The following LEMD1 variants were observed in gnomAD, a reference collection of about 807,000 sequenced individuals.
The protein encoded by LEMD1 is LEM domain-containing protein 1.
LEMD1 carries 18 observed loss-of-function variants against 17.4 expected under a neutral mutation model. The observed-to-expected ratio is 1.04, with a 90% CI of 0.72 to 1.54. The LOEUF (loss-of-function observed/expected upper bound fraction) is 1.54, where lower values mean the gene tolerates loss of function less well. Ranked by LOEUF, LEMD1 falls within the 40% of genes most tolerant of loss-of-function variation. The probability of loss-of-function intolerance (pLI) is 0.00; values close to 1 mark genes in which losing one functional copy is unlikely to be tolerated. For missense variants in LEMD1, 195 were observed against 210.4 expected (o/e 0.93, Z 0.45); for synonymous variants, 88 against 77.8 (o/e 1.13, Z -0.69).
chr1:205,431,438 T>C (rs542909213), intron 1 of LEMD1, among the ~76,000 whole-genome samples: 1 of 152,352 alleles, frequency 6.6e-6, no homozygotes, highest in East Asian at 1.9e-4. Flanking sequence ...ACTTGACCCC[T>C]GCAAAAACTT....
At chr1:205,406,365 C>G (rs980415016) in intron 4 of LEMD1, among the ~76,000 whole-genome samples, 11 of 152,246 alleles carry the variant, frequency 7.2e-5, no homozygotes, top group African/African-American at 2.7e-4. Flanking sequence ...CCACCCAGTT[C>G]GAGCTTCCTG....
chr1:205,420,404 T>C (rs575049644), intron 2 of LEMD1, 51 bp downstream of exon 2: 11 of 1,382,598 alleles, frequency 8.0e-6, no homozygotes, highest in Admixed American at 1.7e-5. Flanking sequence ...TGTAAGTTGT[T>C]TATAAACCAT....
intron 1 of LEMD1, among the ~76,000 whole-genome samples, chr1:205,440,336 TTCC>T (rs1666271678): frequency 6.6e-6 from 1 of 152,182 alleles, no homozygotes; most frequent in Admixed American, 6.5e-5. Flanking sequence ...CACCTCTGCC[TTCC>T]TCCTCACTGG....
At chr1:205,405,565 G>A (rs1665053539) in intron 4 of LEMD1, among the ~76,000 whole-genome samples, 2 of 145,910 alleles carry the variant, frequency 1.4e-5, no homozygotes, top group Non-Finnish European at 3.0e-5. Context: ...GCTCCTTTAA[G>A]CACTTCTCTG....
In LEMD1 at chr1:205,410,362, T is replaced by C. The variant is rs1222448377; in HGVS notation, c.270+5870A>G. ...CAATGTCCTGTATTCAATAAATAGTTATTGACTCACAGGCTGAGATCCAGG... is the reference window on the plus strand; with the variant it reads ...CAATGTCCTGTATTCAATAAATAGTCATTGACTCACAGGCTGAGATCCAGG... On this transcript the variant is annotated intron_variant, in intron 4 of 5. Transcript: ENST00000367153. 2.0e-5 allele frequency among the ~76,000 whole-genome samples: 3 copies of C among 152,230 alleles called. No individual in the cohort carries two copies. In the East Asian group the frequency reaches 5.8e-4, roughly 29 times the overall value.
intron 1 of LEMD1, among the ~76,000 whole-genome samples, chr1:205,433,272 C>T (rs1666153015): frequency 6.6e-6 from 1 of 152,126 alleles, no homozygotes; most frequent in African/African-American, 2.4e-5. Context: ...GCCTGACCAA[C>T]ATGGTGAAAC....
At chr1:205,401,439 G>A (rs1382635488) in intron 4 of LEMD1, among the ~76,000 whole-genome samples, 2 of 143,480 alleles carry the variant, frequency 1.4e-5, no homozygotes, top group African/African-American at 5.3e-5. Context: ...GCATTTCTCT[G>A]ATGGCCAGTG....
chr1:205,412,532 A>G (rs1665498698), intron 4 of LEMD1, among the ~76,000 whole-genome samples: 1 of 152,248 alleles, frequency 6.6e-6, no homozygotes, highest in South Asian at 2.1e-4. Context: ...AAATGCAAAT[A>G]CTACCTATCT....
At chr1:205,384,694 T>A (rs1439804911) in intron 4 of LEMD1, among the ~76,000 whole-genome samples, 1 of 152,200 alleles carries the variant, frequency 6.6e-6, no homozygotes, top group African/African-American at 2.4e-5. Flanking sequence ...GGAGCTCTTT[T>A]TTATGAGCAT....
chr1:205,414,059 C>T lies in LEMD1; in HGVS notation c.270+2173G>A, dbSNP rs79871627. Among the ~76,000 whole-genome samples, 303 of 152,156 alleles carry T rather than the reference C, an allele frequency of 2.0e-3. 2 individuals are homozygous for T. The East Asian group carries it at 0.033, about 17-fold the overall frequency. On this transcript the variant is annotated intron_variant, in intron 4 of 5. Coordinates refer to ENST00000367153, the MANE Select transcript of LEMD1 (RefSeq NM_001199050.2). ...GTTGAAGTAATGGTTCATGGGAAGA[C>T]AGTGTGAGAGGTGCAGAAACAAGGT...
At position 205,406,358 on chromosome 1, in the gene LEMD1, C is replaced by T. The variant is rs969020679; in HGVS notation, c.270+9874G>A. On this transcript the variant is annotated intron_variant, in intron 4 of 5. Coordinates refer to ENST00000367153, the MANE Select transcript of LEMD1 (RefSeq NM_001199050.2). ...CCTCCTTGAGCTGTGGTGGGCTCCACCCAGTTCGAGCTTCCTGGCTGCTTT... is the reference window on the plus strand; with the variant it reads ...CCTCCTTGAGCTGTGGTGGGCTCCATCCAGTTCGAGCTTCCTGGCTGCTTT... 3.3e-5 allele frequency among the ~76,000 whole-genome samples: 5 copies of T among 152,354 alleles called. 1 individual carries two copies. The highest frequency in any genetic ancestry group is 3.3e-4 in the Admixed American group (5 of 15,310).
rs144639366 is a variant in LEMD1 at position 205,399,696 on chromosome 1, C to T, written c.271-15332G>A. ...CACAGTATCTATCTTGAAGGGGCTC[C>T]TACTAGCCAAATCTGGGAGGATTTG... On this transcript the variant is annotated intron_variant, in intron 4 of 5. Transcript: ENST00000367153. Among the ~76,000 whole-genome samples the T allele has an allele frequency of 1.8e-4, 28 of 152,312 alleles. No homozygotes were observed. In the East Asian group the frequency reaches 5.4e-3, roughly 29 times the overall value.
chr1:205,402,570 AG>A (rs1664901496), intron 4 of LEMD1, among the ~76,000 whole-genome samples: 2 of 152,358 alleles, frequency 1.3e-5, no homozygotes, highest in Admixed American at 1.3e-4. Flanking sequence ...ACTTTGCTGA[AG>A]TTGCTTATCA....
At chr1:205,420,383 G>T in intron 2 of LEMD1, 72 bp downstream of exon 2, 2 of 1,158,494 alleles carry the variant, frequency 1.7e-6, no homozygotes, top group Non-Finnish European at 1.3e-6. Context: ...TACTGCATAT[G>T]TTCCTTCTAT....
chr1:205,432,816 C>G (rs1472663200), intron 1 of LEMD1, among the ~76,000 whole-genome samples: 1 of 152,078 alleles, frequency 6.6e-6, no homozygotes, highest in Non-Finnish European at 1.5e-5. Context: ...CAAGACCAGC[C>G]TGGGCAACAT....
chr1:205,429,118 T>A (rs1234081357), intron 1 of LEMD1, among the ~76,000 whole-genome samples: 1 of 152,236 alleles, frequency 6.6e-6, no homozygotes, highest in African/African-American at 2.4e-5. Context: ...CAAGTGATCA[T>A]CACCACCATC....
At chr1:205,382,449 G>C (rs765841684) in intron 5 of LEMD1, among the ~76,000 whole-genome samples, 6 of 152,008 alleles carry the variant, frequency 3.9e-5, no homozygotes, top group Non-Finnish European at 7.4e-5. Flanking sequence ...TTTTTGTAGA[G>C]ACGAGGGCTC....
At chr1:205,415,329 G>T (rs772867313) in intron 4 of LEMD1, among the ~76,000 whole-genome samples, 2 of 152,216 alleles carry the variant, frequency 1.3e-5, no homozygotes, top group Admixed American at 6.5e-5. Flanking sequence ...ATGCAGACCT[G>T]TGCCTCAGGA....
chr1:205,381,557 C>A lies in LEMD1; in HGVS notation c.*101G>T. The A allele has an allele frequency of 8.7e-7, 1 of 1,149,736 alleles. No homozygotes were observed. Among genetic ancestry groups the A allele is most frequent in the South Asian group, 1.3e-5 (1 of 77,362 alleles). 71.2% of individuals were successfully genotyped at this position (1,149,736 alleles called of 1,614,324 possible). A position where few individuals can be genotyped will look rare whatever the true frequency, so the allele number is the denominator to read the frequency against. On this transcript the variant is annotated 3_prime_UTR_variant, in exon 6 of 6. Coordinates refer to ENST00000367153, the MANE Select transcript of LEMD1 (RefSeq NM_001199050.2). ...GCACAGTGCAAGGGAAGGCTCCCTG[C>A]AAGGGAGGGCTGCAGGCTAGGCTGG...
Sources: allele counts gnomAD v4.1 joint callset (sites outside exome capture counted in the v4.1 genomes callset), GRCh38; gene constraint gnomAD v4.1.1; transcripts MANE v1.5; gene names NCBI Gene and HGNC (gene_info 2026-07-23, HGNC 2026-07-21).